The following EYA1 variants were observed in gnomAD, a reference collection of about 807,000 sequenced individuals.
EYA1 encodes EYA transcriptional coactivator and phosphatase 1.
Under a neutral mutation model 82.0 loss-of-function variants are expected in EYA1, and 16 were observed. The observed-to-expected ratio is 0.20, with a 90% CI of 0.13 to 0.30. The LOEUF is 0.30. Among genes scored for constraint, EYA1 ranks in the 10% least tolerant of loss-of-function variants. EYA1 has a pLI of 1.00. For synonymous variants in EYA1, 261 were observed against 264.4 expected (o/e 0.99, Z 0.12); for missense variants, 633 against 730.7 (o/e 0.87, Z 1.54).
At chr8:71,466,811 A>G (rs1005300008) in intron 2 of EYA1, among the ~76,000 whole-genome samples, 58 of 152,282 alleles carry the variant, frequency 3.8e-4, no homozygotes, top group African/African-American at 1.4e-3. Context: ...AACTCCTGAA[A>G]GTTAGGATCT....
Position 71,305,129 on chromosome 8 carries a change from G to C in EYA1, c.557-5409C>G, listed in dbSNP as rs1338470597. Among the ~76,000 whole-genome samples, 39 of 142,498 alleles carry C rather than the reference G, an allele frequency of 2.7e-4. 5 individuals carry two copies. Among genetic ancestry groups the C allele is most frequent in the Non-Finnish European group, 9.6e-5 (6 of 62,686 alleles). 93.5% of individuals were successfully genotyped at this position (142,498 alleles called of 152,430 possible). On this transcript the variant is annotated intron_variant, in intron 7 of 17. Coordinates refer to ENST00000340726, the MANE Select transcript of EYA1 (RefSeq NM_000503.6). ...GCAAGGGTCTTCACTTACAACTTTT[G>C]GTCACAGAATTATTTGTAATGTTTG... is the stretch of plus-strand genomic sequence containing the variant.
intron 12 of EYA1, among the ~76,000 whole-genome samples, chr8:71,242,716 G>C (rs1812621799): frequency 6.6e-6 from 1 of 150,922 alleles, no homozygotes; most frequent in African/African-American, 2.4e-5. Context: ...AGTTATGACT[G>C]CCTAACATCT....
At chr8:71,361,499 A>C (rs1374919758) in intron 1 of EYA1, 148 bp downstream of exon 1, 1 of 235,264 alleles carries the variant, frequency 4.3e-6, no homozygotes, top group Non-Finnish European at 6.9e-6. Flanking sequence ...TACTAGGTAC[A>C]AAGTGTCATA....
intron 2 of EYA1, among the ~76,000 whole-genome samples, chr8:71,369,184 C>G (rs1054211748): frequency 1.6e-5 from 2 of 126,084 alleles, no homozygotes; most frequent in South Asian, 2.4e-4. Flanking sequence ...GCCTGGGCAA[C>G]AGAGCGAGAC....
chr8:71,342,906 A>G (rs1369866866), intron 3 of EYA1, among the ~76,000 whole-genome samples: 1 of 152,210 alleles, frequency 6.6e-6, no homozygotes, highest in African/African-American at 2.4e-5. Flanking sequence ...GACAGGTGTC[A>G]TAGTCATCAC....
chr8:71,338,162 G>T (rs1412956404), intron 3 of EYA1, among the ~76,000 whole-genome samples: 1 of 152,132 alleles, frequency 6.6e-6, no homozygotes. Context: ...AAAGTTAGAA[G>T]AATCCGAAGT....
intron 2 of EYA1, among the ~76,000 whole-genome samples, chr8:71,391,674 G>A (rs1407456464): frequency 6.6e-6 from 1 of 152,188 alleles, no homozygotes; most frequent in Non-Finnish European, 1.5e-5. Context: ...TTCTTGGCAT[G>A]GTAGTTCAAT....
rs1806632062 is a variant in EYA1, at chr8:71,199,345, G to C, written c.1774C>G (p.Leu592Val). ...ALHHALELEYL is the reference protein window; with the variant it reads ...ALHHALELEYV Reference sequence around the variant, plus strand: ...TGTCAAAGTGCCGAGCGCTGTTACAGGTACTCCAGTTCCAAGGCATGGTGC... The same window carrying C: ...TGTCAAAGTGCCGAGCGCTGTTACACGTACTCCAGTTCCAAGGCATGGTGC... The change falls in exon 18 of 18, where the codon CTG (leucine) becomes GTG (valine). Residue 592 changes from leucine to valine, a missense_variant. Transcript: ENST00000340726. 1.2e-6 allele frequency: 2 copies of C among 1,610,068 alleles called. No homozygotes were observed. The highest frequency in any genetic ancestry group is 2.2e-5 in the South Asian group (2 of 90,698).
chr8:71,534,830 T>C (rs1420353345), intron 2 of EYA1, among the ~76,000 whole-genome samples: 3 of 150,726 alleles, frequency 2.0e-5, no homozygotes, highest in African/African-American at 7.3e-5. Context: ...CATATACTTA[T>C]GTAACCTGCA....
intron 2 of EYA1, among the ~76,000 whole-genome samples, chr8:71,417,168 G>A (rs565731760): frequency 2.6e-3 from 401 of 152,250 alleles, no homozygotes; most frequent in African/African-American, 9.2e-3. Flanking sequence ...CTTGCAGATG[G>A]CCTATTGTGG....
chr8:71,468,714 A>G (rs990294916), intron 2 of EYA1, among the ~76,000 whole-genome samples: 1 of 152,082 alleles, frequency 6.6e-6, no homozygotes, highest in African/African-American at 2.4e-5. Flanking sequence ...TAAGTCCAAT[A>G]CATTCAATGC....
intron 2 of EYA1, among the ~76,000 whole-genome samples, chr8:71,434,143 T>G (rs1429412856): frequency 6.6e-6 from 1 of 152,236 alleles, no homozygotes; most frequent in African/African-American, 2.4e-5. Flanking sequence ...AAGGATGAAG[T>G]TATTACTAAA....
At chr8:71,201,425 A>C (rs1403636131) in intron 17 of EYA1, among the ~76,000 whole-genome samples, 1 of 151,992 alleles carries the variant, frequency 6.6e-6, no homozygotes, top group Non-Finnish European at 1.5e-5. Flanking sequence ...GCACAGGTTC[A>C]AACTAACTCT....
At position 71,458,563 on chromosome 8, in the gene EYA1, A is replaced by T. The variant is rs886643790; in HGVS notation, c.33+77181T>A. 3.9e-5 allele frequency among the ~76,000 whole-genome samples: 6 copies of T among 152,258 alleles called. No homozygotes were observed. The East Asian group carries it at 5.8e-4, about 15-fold the overall frequency. On this transcript the variant is annotated intron_variant, in intron 2 of 18. Transcript: ENST00000643681. ...CTAGGTATTACATAGCTCCAAATAC[A>T]GCTACTTATAATCTCTTTTATCAGC...
At chr8:71,370,592 G>A (rs938525305) in intron 2 of EYA1, among the ~76,000 whole-genome samples, 1 of 151,648 alleles carries the variant, frequency 6.6e-6, no homozygotes, top group African/African-American at 2.4e-5. Context: ...AGAAAAGCAG[G>A]TAATAGGAAA....
intron 2 of EYA1, among the ~76,000 whole-genome samples, chr8:71,391,972 G>GA (rs1331149197): frequency 6.6e-6 from 1 of 152,196 alleles, no homozygotes; most frequent in Non-Finnish European, 1.5e-5. Context: ...TATTCTGGCT[G>GA]AAAAATAGAG....
intron 2 of EYA1, among the ~76,000 whole-genome samples, chr8:71,466,790 G>A (rs1370889342): frequency 2.0e-5 from 3 of 152,064 alleles, no homozygotes; most frequent in Non-Finnish European, 4.4e-5. Flanking sequence ...AGAAACTTTG[G>A]AGAAAAAGAG....
intron 2 of EYA1, among the ~76,000 whole-genome samples, chr8:71,435,146 G>C (rs1805910797): frequency 6.6e-6 from 1 of 152,042 alleles, no homozygotes; most frequent in Admixed American, 6.6e-5. Flanking sequence ...AACCTTCTTA[G>C]ATTTCTCCAG....
chr8:71,430,157 G>A (rs1805513691), intron 2 of EYA1, among the ~76,000 whole-genome samples: 1 of 152,122 alleles, frequency 6.6e-6, no homozygotes. Context: ...CATCTTCTAT[G>A]AAAAGTCCAG....
Sources: gnomAD v4.1 joint callset for allele counts (sites outside exome capture counted in the v4.1 genomes callset) on GRCh38, gnomAD v4.1.1 for gene constraint, MANE v1.5 for transcripts, NCBI Gene and HGNC (gene_info 2026-07-23, HGNC 2026-07-21) for gene names.